NWD2: variants seen among roughly 807,000 people sequenced by gnomAD.
The protein encoded by NWD2 is NACHT and WD repeat domain-containing protein 2.
In NWD2, 37 loss-of-function variants were observed where a neutral mutation model predicts 132.7. The ratio of observed to expected loss-of-function variants is 0.28; its 90% CI spans 0.21 to 0.37. The LOEUF is 0.37. NWD2 is among the 10% of genes least tolerant of loss of function. The pLI is 1.00. For synonymous variants in NWD2, 705 were observed against 803.0 expected, an observed-to-expected ratio of 0.88 and a Z score of 2.06; for missense variants, 1,592 against 2,122.4, an observed-to-expected ratio of 0.75 and a Z score of 4.91.
chr4:37,427,903 G>A (rs1181235415), intron 3 of NWD2, among the ~76,000 whole-genome samples: 4 of 152,132 alleles, frequency 2.6e-5, no homozygotes, highest in African/African-American at 9.7e-5. Context: ...TCACAAAACT[G>A]GTACCTTCCC....
chr4:37,295,850 A>G (rs1242077094), intron 1 of NWD2, among the ~76,000 whole-genome samples: 1 of 152,204 alleles, frequency 6.6e-6, no homozygotes, highest in Non-Finnish European at 1.5e-5. Flanking sequence ...CTGAAAGTAT[A>G]TTTCCTTAAT....
intron 1 of NWD2, among the ~76,000 whole-genome samples, chr4:37,276,278 A>G (rs887531949): frequency 5.3e-5 from 8 of 152,178 alleles, no homozygotes; most frequent in Non-Finnish European, 1.0e-4. Context: ...CCCCATCAAA[A>G]AGTGGGCAAA....
chr4:37,271,232 A>G (rs541005998), intron 1 of NWD2, among the ~76,000 whole-genome samples: 24 of 151,928 alleles, frequency 1.6e-4, no homozygotes, highest in African/African-American at 5.5e-4. Flanking sequence ...AAGATCTTCT[A>G]ATTTTCCATG....
intron 3 of NWD2, among the ~76,000 whole-genome samples, chr4:37,406,753 A>G (rs1020113452): frequency 2.0e-5 from 3 of 152,080 alleles, no homozygotes; most frequent in African/African-American, 7.2e-5. Flanking sequence ...AAAAGTAGCC[A>G]GGTGTGGTGG....
chr4:37,445,894 C>A lies in NWD2; in HGVS notation c.3906C>A (p.Asp1302Glu). ...LSTSGVLSIW[D>E]IDIITAMSNI... ...CCAGTGGTGTTCTTTCCATTTGGGACATAGATATAATCACAGCTATGTCCA... is the reference window on the plus strand; with the variant it reads ...CCAGTGGTGTTCTTTCCATTTGGGAAATAGATATAATCACAGCTATGTCCA... The change falls in exon 7 of 7, where the codon GAC becomes GAA. Residue 1302 changes from aspartate to glutamate, a missense_variant. This residue lies in a region of NWD2 where 1,071 missense variants were observed against 1,398.0 expected (regional missense o/e 0.77). Transcript: ENST00000309447. The surrounding 1 kb of genome is among the most constrained non-coding windows in gnomAD (Gnocchi z 4.7). The A allele has an allele frequency of 6.4e-7, 1 of 1,551,784 alleles. No homozygotes were observed. The highest frequency in any genetic ancestry group is 8.7e-7 in the Non-Finnish European group (1 of 1,147,002).
At chr4:37,398,457 G>A (rs953047719) in intron 3 of NWD2, among the ~76,000 whole-genome samples, 2 of 152,144 alleles carry the variant, frequency 1.3e-5, no homozygotes, top group Non-Finnish European at 2.9e-5. Flanking sequence ...TCGGAGGAGT[G>A]GGGAGAAAGG....
At chr4:37,303,342 C>T (rs550285841) in intron 1 of NWD2, among the ~76,000 whole-genome samples, 9 of 152,224 alleles carry the variant, frequency 5.9e-5, no homozygotes, top group East Asian at 3.9e-4. Context: ...CATGCTGTTT[C>T]GGTTACGACA....
At chr4:37,381,232 C>T (rs16993496) in intron 3 of NWD2, among the ~76,000 whole-genome samples, 2,141 of 152,216 alleles carry the variant, frequency 0.014, 55 homozygotes, top group African/African-American at 0.048. Context: ...TAGAGAGGGC[C>T]GAGTCACTCA....
chr4:37,288,930 A>G (rs1247514091), intron 1 of NWD2, among the ~76,000 whole-genome samples: 1 of 151,878 alleles, frequency 6.6e-6, no homozygotes, highest in Non-Finnish European at 1.5e-5. Context: ...AGCTCTAGGG[A>G]AACAACAGTT....
intron 1 of NWD2, among the ~76,000 whole-genome samples, chr4:37,293,351 C>T (rs951840911): frequency 2.0e-5 from 3 of 152,176 alleles, no homozygotes; most frequent in Non-Finnish European, 4.4e-5. Flanking sequence ...TTACTCATAT[C>T]CTCCATATCT....
intron 2 of NWD2, among the ~76,000 whole-genome samples, chr4:37,355,220 T>C (rs900673021): frequency 8.5e-5 from 13 of 152,202 alleles, no homozygotes; most frequent in African/African-American, 3.1e-4. Flanking sequence ...TCGTATTGTG[T>C]GATTAAACTT....
Position 37,280,378 on chromosome 4 carries a change from A to C in NWD2, c.151+35160A>C, listed in dbSNP as rs189962910. Among the ~76,000 whole-genome samples the C allele has an allele frequency of 7.9e-3, 1,209 of 152,230 alleles. 4 individuals are homozygous for C. Among genetic ancestry groups the C allele is most frequent in the South Asian group, 0.022 (105 of 4,820 alleles). On this transcript the variant is annotated intron_variant, in intron 1 of 6. Transcript: ENST00000309447. ...AAGGTGGGAACCAGCCCTGCACTGGAGGTCATCCCATGGCAGGATGACTCA... is the reference window on the plus strand; with the variant it reads ...AAGGTGGGAACCAGCCCTGCACTGGCGGTCATCCCATGGCAGGATGACTCA...
chr4:37,297,160 T>TC (rs1157829239), intron 1 of NWD2, among the ~76,000 whole-genome samples: 1 of 151,690 alleles, frequency 6.6e-6, no homozygotes. Flanking sequence ...GGGGATTGAT[T>TC]CCAGGATCCC....
chr4:37,435,817 T>A (rs955454675), intron 5 of NWD2, among the ~76,000 whole-genome samples: 1 of 152,188 alleles, frequency 6.6e-6, no homozygotes, highest in Non-Finnish European at 1.5e-5. Context: ...TTATATCTCC[T>A]GAAGATATAC....
chr4:37,366,257 A>G (rs1720096605), intron 3 of NWD2, among the ~76,000 whole-genome samples: 1 of 152,182 alleles, frequency 6.6e-6, no homozygotes, highest in Non-Finnish European at 1.5e-5. Flanking sequence ...CAAACATCTA[A>G]CTGGTGTTGC....
rs79401193 is a variant in NWD2 at position 37,403,208 on chromosome 4, G to A, written c.358-27364G>A. Among the ~76,000 whole-genome samples the A allele has an allele frequency of 4.2e-3, 647 of 152,294 alleles. 6 individuals are homozygous for A. The highest frequency in any genetic ancestry group is 0.015 in the African/African-American group (612 of 41,554). ...TAGGCATGAGAATGCAGTGATGAGC[G>A]AGACAGACAAGGACCCTTCATTCTG... On this transcript the variant is annotated intron_variant, in intron 3 of 6. Coordinates refer to ENST00000309447, the MANE Select transcript of NWD2 (RefSeq NM_001144990.2).
chr4:37,332,222 G>C (rs1018506979), intron 2 of NWD2, among the ~76,000 whole-genome samples: 1 of 152,152 alleles, frequency 6.6e-6, no homozygotes, highest in Admixed American at 6.5e-5. Flanking sequence ...GGGAGTGCTT[G>C]CACTACCCCT....
intron 1 of NWD2, among the ~76,000 whole-genome samples, chr4:37,270,461 A>G (rs1717845319): frequency 6.6e-6 from 1 of 151,814 alleles, no homozygotes; most frequent in Non-Finnish European, 1.5e-5. Context: ...GAGTCAAGTC[A>G]GTATCTTCTC....
intron 1 of NWD2, among the ~76,000 whole-genome samples, chr4:37,283,357 G>A (rs34467368): frequency 0.19 from 28,719 of 152,048 alleles, 3,541 homozygotes; most frequent in Middle Eastern, 0.33. Context: ...TAGCACTTAC[G>A]TTCTCTTTAA....
Sources: gnomAD v4.1 joint callset for allele counts (sites outside exome capture counted in the v4.1 genomes callset) on GRCh38, gnomAD v4.1.1 for gene constraint, gnomAD v4.1.1 regional missense constraint, Gnocchi (gnomAD v3.1) non-coding constraint, MANE v1.5 for transcripts, NCBI Gene and HGNC (gene_info 2026-07-23, HGNC 2026-07-21) for gene names.